Variants in ANKRD30B observed in about 807,000 individuals in gnomAD.
ANKRD30B encodes the protein ankyrin repeat domain 30B.
ANKRD30B carries 144 observed loss-of-function variants against 202.2 expected under a neutral mutation model. That is an observed-to-expected ratio of 0.71 (90% CI 0.62 to 0.82). The LOEUF (loss-of-function observed/expected upper bound fraction) is 0.82, where lower values mean the gene tolerates loss of function less well. ANKRD30B is among the 40% of genes least tolerant of loss of function. ANKRD30B has a pLI of 0.00. For missense variants in ANKRD30B, 1,487 were observed against 1,669.1 expected (o/e 0.89, Z 1.90); for synonymous variants, 508 against 561.3 (o/e 0.91, Z 1.34).
At chr18:14,796,498 T>G (rs1017443332) in intron 18 of ANKRD30B, 83 bp downstream of exon 18, 1 of 1,427,958 alleles carries the variant, frequency 7.0e-7, no homozygotes, top group Non-Finnish European at 9.3e-7. Flanking sequence ...TTCCCAATGT[T>G]GTTTTCTTTT....
the ANKRD30B span, among the ~76,000 whole-genome samples, chr18:14,925,955 C>G: frequency 6.6e-6 from 1 of 152,098 alleles, no homozygotes; most frequent in South Asian, 2.1e-4. Context: ...CCTGTGCTCA[C>G]AAAAGGTGAC....
chr18:14,870,790 G>A, the ANKRD30B span, among the ~76,000 whole-genome samples: 1 of 151,634 alleles, frequency 6.6e-6, no homozygotes, highest in East Asian at 2.0e-4. Flanking sequence ...CTTCTGCTAA[G>A]GCAGAGGTTT....
At chr18:14,920,695 G>A in the ANKRD30B span, among the ~76,000 whole-genome samples, 1 of 152,228 alleles carries the variant, frequency 6.6e-6, no homozygotes, top group African/African-American at 2.4e-5. Flanking sequence ...GGCTGAAAGT[G>A]TAGTAGGGTG....
chr18:14,847,230 G>A lies in ANKRD30B; in HGVS notation c.3182-1486G>A, dbSNP rs9748509. Among the ~76,000 whole-genome samples, 1,218 of 151,508 alleles carry A rather than the reference G, an allele frequency of 8.0e-3. 12 individuals carry two copies. Among genetic ancestry groups the A allele is most frequent in the African/African-American group, 0.029 (1,179 of 41,284 alleles). On this transcript the variant is annotated intron_variant, in intron 39 of 43. Coordinates refer to ENST00000690538, the MANE Select transcript of ANKRD30B (RefSeq NM_001367607.2). ...CTTAGTGGTTGTTTTAGGATTTATA[G>A]TGTATGGATTTACCTCATCACAACT... is the stretch of plus-strand genomic sequence containing the variant.
chr18:14,755,371 C>A (rs1373285184), intron 4 of ANKRD30B, among the ~76,000 whole-genome samples: 1 of 149,972 alleles, frequency 6.7e-6, no homozygotes, highest in Non-Finnish European at 1.5e-5. Flanking sequence ...TTTCTAACTT[C>A]TCTTTTTTAT....
rs1337255173 is a variant in ANKRD30B, at chr18:14,765,625, G to A, written c.1225+1535G>A. The stretch of plus-strand genomic sequence containing the variant: ...AAAACTATGTATAAAAAACCATTTG[G>A]TAAGCTGAATTTGGCCTGTGATACA... On this transcript the variant is annotated intron_variant, in intron 7 of 43. Transcript: ENST00000690538. 2.0e-5 allele frequency among the ~76,000 whole-genome samples: 3 copies of A among 152,300 alleles called. No homozygotes were observed. The East Asian group carries it at 5.8e-4, about 29-fold the overall frequency.
chr18:14,787,168 T>C lies in ANKRD30B; in HGVS notation c.1734+68T>C, dbSNP rs571626585. 3,006 of 1,411,172 alleles carry C rather than the reference T, an allele frequency of 2.1e-3. 5 individuals carry two copies. Among genetic ancestry groups the C allele is most frequent in the Non-Finnish European group, 2.7e-3 (2,724 of 1,026,926 alleles). The allele number at this position is 1,411,172 out of a possible 1,614,324, so 87.4% of individuals were successfully genotyped here. A position where few individuals can be genotyped will look rare whatever the true frequency, so the allele number is the denominator to read the frequency against. ...AGATGAAAACATAAAATCAGATGCT[T>C]AGACTTTATTTTCTCACCTCTGCAT... is the stretch of plus-strand genomic sequence containing the variant. On this transcript the variant is annotated intron_variant, in intron 15 of 43. Transcript: ENST00000690538.
At chr18:14,752,428 C>G (rs1173345816) in intron 1 of ANKRD30B, 138 bp from the exon 2 acceptor site, 1 of 618,810 alleles carries the variant, frequency 1.6e-6, no homozygotes, top group Non-Finnish European at 2.7e-6. Context: ...GAATGTTGTA[C>G]TTTCTTCAGG....
chr18:14,892,687 C>A, the ANKRD30B span, among the ~76,000 whole-genome samples: 2 of 132,754 alleles, frequency 1.5e-5, no homozygotes, highest in South Asian at 5.0e-4. Context: ...CTGCAGTGAG[C>A]CAAAACGGTG....
chr18:14,922,637 A>G, the ANKRD30B span, among the ~76,000 whole-genome samples: 1 of 145,346 alleles, frequency 6.9e-6, no homozygotes, highest in Non-Finnish European at 1.5e-5. Flanking sequence ...CCTGGGTGAC[A>G]GAGTGAGACT....
At chr18:14,765,903 T>A (rs1916053277) in intron 7 of ANKRD30B, among the ~76,000 whole-genome samples, 2 of 152,202 alleles carry the variant, frequency 1.3e-5, no homozygotes, top group South Asian at 2.1e-4. Context: ...TTTACTGAAT[T>A]TTTTTTAACT....
Position 14,797,741 on chromosome 18 carries a change from G to A in ANKRD30B, c.1957-41G>A, listed in dbSNP as rs148927977. ...AATATTAACTACATATTTTTGAAGTGTACATTATATATTAATTTTTGTGTT... is the reference window on the plus strand; with the variant it reads ...AATATTAACTACATATTTTTGAAGTATACATTATATATTAATTTTTGTGTT... On this transcript the variant is annotated intron_variant, in intron 19 of 43. Transcript: ENST00000690538. 1.3e-3 allele frequency: 2,015 copies of A among 1,602,112 alleles called. 31 individuals carry two copies. In the African/African-American group the frequency reaches 0.024, roughly 19 times the overall value.
intron 26 of ANKRD30B, among the ~76,000 whole-genome samples, chr18:14,809,143 TG>T (rs1313908648): frequency 6.8e-5 from 4 of 58,958 alleles, no homozygotes; most frequent in East Asian, 5.4e-4. Context: ...TTAGTGAGGG[TG>T]GGGGTGGGTT....
At chr18:14,890,369 G>T in the ANKRD30B span, among the ~76,000 whole-genome samples, 1 of 151,406 alleles carries the variant, frequency 6.6e-6, no homozygotes, top group Non-Finnish European at 1.5e-5. Flanking sequence ...TTATTCTCTA[G>T]AATTAAATTT....
At chr18:14,931,513 G>C in the ANKRD30B span, among the ~76,000 whole-genome samples, 1 of 152,148 alleles carries the variant, frequency 6.6e-6, no homozygotes, top group African/African-American at 2.4e-5. Context: ...TGTTTCAGCA[G>C]GCATCCCCCT....
chr18:14,869,451 G>GT, the ANKRD30B span, among the ~76,000 whole-genome samples: 1 of 151,544 alleles, frequency 6.6e-6, no homozygotes, highest in Non-Finnish European at 1.5e-5. Flanking sequence ...TTAGAAACCC[G>GT]TTTTTTATAT....
intron 15 of ANKRD30B, among the ~76,000 whole-genome samples, chr18:14,790,749 C>G (rs1968437109): frequency 6.6e-6 from 1 of 151,964 alleles, no homozygotes; most frequent in Non-Finnish European, 1.5e-5. Flanking sequence ...CCCACTTGAT[C>G]ATGGTGGATA....
At chr18:14,864,965 G>A in the ANKRD30B span, among the ~76,000 whole-genome samples, 1 of 150,844 alleles carries the variant, frequency 6.6e-6, no homozygotes, top group East Asian at 2.0e-4. Context: ...CCCGCTTCCC[G>A]CTCACCCTCT....
chr18:14,938,424 C>T, the ANKRD30B span, among the ~76,000 whole-genome samples: 2 of 152,196 alleles, frequency 1.3e-5, no homozygotes, highest in Admixed American at 6.5e-5. Flanking sequence ...GCTGGCCTTC[C>T]TGATCACATC....
Sources: gnomAD v4.1 joint callset for allele counts (sites outside exome capture counted in the v4.1 genomes callset) on GRCh38, gnomAD v4.1.1 for gene constraint, MANE v1.5 for transcripts, NCBI Gene and HGNC (gene_info 2026-07-23, HGNC 2026-07-21) for gene names.